Variants in LRP2 observed in about 807,000 individuals in gnomAD.
LRP2 encodes low-density lipoprotein receptor-related protein 2.
LRP2 carries 172 observed loss-of-function variants against 531.0 expected under a neutral mutation model. The observed-to-expected ratio is 0.32, with a 90% CI of 0.29 to 0.37. LRP2 has a LOEUF of 0.37. LRP2 is among the 10% of genes least tolerant of loss of function. LRP2 has a pLI of 1.00. For synonymous variants in LRP2, 1,992 were observed against 2,027.6 expected (o/e 0.98, Z 0.47); for missense variants, 5,167 against 5,868.3 (o/e 0.88, Z 3.90).
At chr2:169,336,584 C>T (rs762025242) in intron 1 of LRP2, among the ~76,000 whole-genome samples, 3 of 151,644 alleles carry the variant, frequency 2.0e-5, no homozygotes, top group South Asian at 2.1e-4. Flanking sequence ...GAATGAAATA[C>T]CCCATTGCCA....
At chr2:169,236,194 T>G in intron 28 of LRP2, 126 bp from the exon 29 acceptor site, 1 of 776,212 alleles carries the variant, frequency 1.3e-6, no homozygotes, top group African/African-American at 1.7e-5. Flanking sequence ...GTTCAGAATA[T>G]ATTCACAGAG....
intron 10 of LRP2, among the ~76,000 whole-genome samples, chr2:169,282,078 A>T (rs1315678404): frequency 6.6e-6 from 1 of 152,198 alleles, no homozygotes; most frequent in Non-Finnish European, 1.5e-5. Context: ...AAAAATAAAC[A>T]CATTGAATTG....
chr2:169,247,067 A>G, intron 20 of LRP2, 81 bp from the exon 21 acceptor site: 1 of 1,483,538 alleles, frequency 6.7e-7, no homozygotes, highest in Non-Finnish European at 9.2e-7. Flanking sequence ...GAAGGAAAAC[A>G]AACAGGACAA....
At chr2:169,237,407 A>G in intron 27 of LRP2, 120 bp from the exon 28 acceptor site, 4 of 834,876 alleles carry the variant, frequency 4.8e-6, no homozygotes, top group Non-Finnish European at 7.7e-6. Flanking sequence ...TGTGGGGATT[A>G]GAAAATTTTG....
chr2:169,160,685 A>AAAAAAAAAAAC (rs1553487413), intron 63 of LRP2, among the ~76,000 whole-genome samples: 1 of 94,234 alleles, frequency 1.1e-5, no homozygotes, highest in African/African-American at 4.6e-5. Flanking sequence ...ATTTCCTTAA[A>AAAAAAAAAAAC]AAAAAAAAAA....
intron 42 of LRP2, 108 bp downstream of exon 42, chr2:169,203,874 A>G: frequency 1.7e-6 from 2 of 1,189,328 alleles, no homozygotes; most frequent in South Asian, 2.5e-5. Context: ...TTACCCTGAC[A>G]TCAAGGAGAA....
At chr2:169,161,211 G>C (rs1686574605) in intron 63 of LRP2, among the ~76,000 whole-genome samples, 1 of 152,184 alleles carries the variant, frequency 6.6e-6, no homozygotes, top group East Asian at 1.9e-4. Context: ...CTGACATTCT[G>C]TGTGACCACA....
chr2:169,305,887 C>T (rs113381611), intron 4 of LRP2, among the ~76,000 whole-genome samples: 3 of 152,060 alleles, frequency 2.0e-5, no homozygotes, highest in East Asian at 3.9e-4. Flanking sequence ...GTATTTAGCA[C>T]GGGAACATGG....
chr2:169,132,879 C>A (rs1235135132), intron 76 of LRP2, among the ~76,000 whole-genome samples, 198 bp from the exon 77 acceptor site: 2 of 152,140 alleles, frequency 1.3e-5, no homozygotes, highest in Non-Finnish European at 2.9e-5. Context: ...AGAGCAGCAA[C>A]CACTAAGTCA....
intron 8 of LRP2, among the ~76,000 whole-genome samples, chr2:169,290,611 A>G (rs1479674492): frequency 6.6e-6 from 1 of 152,196 alleles, no homozygotes; most frequent in Non-Finnish European, 1.5e-5. Context: ...AGGCTAGGCT[A>G]GCCCAAGCTT....
intron 34 of LRP2, among the ~76,000 whole-genome samples, chr2:169,219,168 C>G (rs1688899654): frequency 6.6e-6 from 1 of 152,152 alleles, no homozygotes; most frequent in Non-Finnish European, 1.5e-5. Context: ...CCAGCAGGCA[C>G]AGAATAGAAT....
intron 57 of LRP2, among the ~76,000 whole-genome samples, chr2:169,172,702 T>C (rs1324250236): frequency 6.6e-6 from 1 of 152,198 alleles, no homozygotes; most frequent in Non-Finnish European, 1.5e-5. Context: ...AATATCCTAA[T>C]TTGGAAATAT....
intron 59 of LRP2, 116 bp downstream of exon 59, chr2:169,170,435 A>G (rs1347295145): frequency 7.4e-6 from 6 of 808,460 alleles, no homozygotes; most frequent in Non-Finnish European, 1.3e-5. Context: ...GCTAAGGTTT[A>G]CATATTACAC....
At chr2:169,158,253 CTT>C (rs1686417774) in intron 63 of LRP2, among the ~76,000 whole-genome samples, 1 of 151,944 alleles carries the variant, frequency 6.6e-6, no homozygotes. Context: ...TATTCATACT[CTT>C]TTACCCAGTT....
At chr2:169,284,679 T>C (rs1336726760) in intron 9 of LRP2, among the ~76,000 whole-genome samples, 1 of 152,010 alleles carries the variant, frequency 6.6e-6, no homozygotes, top group Non-Finnish European at 1.5e-5. Flanking sequence ...AAAAACCCAA[T>C]CCGATCTGGA....
intron 1 of LRP2, among the ~76,000 whole-genome samples, chr2:169,353,804 A>C (rs1685919139): frequency 6.6e-6 from 1 of 152,202 alleles, no homozygotes; most frequent in Non-Finnish European, 1.5e-5. Flanking sequence ...CAGCCTGAAC[A>C]ACATGGAGAA....
Position 169,243,534 on chromosome 2 carries a change from C to G in LRP2, c.3431-12G>C. The G allele has an allele frequency of 6.2e-7, 1 of 1,613,696 alleles. No individual in the cohort carries two copies. The highest frequency in any genetic ancestry group is 8.5e-7 in the Non-Finnish European group (1 of 1,179,812). On this transcript the variant is annotated splice_polypyrimidine_tract_variant and intron_variant, in intron 22 of 78. Coordinates refer to ENST00000649046, the MANE Select transcript of LRP2 (RefSeq NM_004525.3). ...TGTCTCTGTCGAATCTAATGTCATCCGAAAACAAAACCAACAAGTTTATTT... is the reference window on the plus strand; with the variant it reads ...TGTCTCTGTCGAATCTAATGTCATCGGAAAACAAAACCAACAAGTTTATTT...
intron 76 of LRP2, among the ~76,000 whole-genome samples, chr2:169,134,765 T>TACACAAGG (rs1340334467): frequency 6.6e-6 from 1 of 152,128 alleles, no homozygotes; most frequent in Non-Finnish European, 1.5e-5. Flanking sequence ...GTTTCCTCAC[T>TACACAAGG]ACACAAGGGT....
chr2:169,238,630 A>G (rs1042474005), intron 26 of LRP2, among the ~76,000 whole-genome samples: 1 of 152,074 alleles, frequency 6.6e-6, no homozygotes, highest in African/African-American at 2.4e-5. Context: ...TATCTTCCTT[A>G]CTATTTAATA....
Sources: gnomAD v4.1 joint callset for allele counts (sites outside exome capture counted in the v4.1 genomes callset) on GRCh38, gnomAD v4.1.1 for gene constraint, MANE v1.5 for transcripts, NCBI Gene and HGNC (gene_info 2026-07-23, HGNC 2026-07-21) for gene names.